GLRA1: variants seen among roughly 807,000 people sequenced by gnomAD.
GLRA1 encodes glycine receptor subunit alpha-1.
A neutral mutation model predicts 48.3 loss-of-function variants in GLRA1; 37 were observed. That is an observed-to-expected ratio of 0.77 (90% confidence interval 0.59 to 1.01). The LOEUF is 1.01. Among genes scored for constraint, GLRA1 ranks in the 50% least tolerant of loss-of-function variants. The pLI is 0.00. For synonymous variants in GLRA1, 196 were observed against 210.7 expected (o/e 0.93, Z 0.60); for missense variants, 427 against 571.0 (o/e 0.75, Z 2.57).
chr5:151,873,974 C>G (rs992576558), intron 3 of GLRA1, among the ~76,000 whole-genome samples: 1 of 152,188 alleles, frequency 6.6e-6, no homozygotes, highest in Non-Finnish European at 1.5e-5. Flanking sequence ...CCTTTCATCT[C>G]AAGATGGAAA....
intron 1 of GLRA1, among the ~76,000 whole-genome samples, chr5:151,917,981 A>G (rs1754779565): frequency 6.6e-6 from 1 of 152,192 alleles, no homozygotes; most frequent in African/African-American, 2.4e-5. Context: ...TAAGATGGTA[A>G]ACTAATTTAG....
At chr5:151,899,142 C>T (rs1754303828) in intron 1 of GLRA1, among the ~76,000 whole-genome samples, 1 of 152,112 alleles carries the variant, frequency 6.6e-6, no homozygotes, top group Non-Finnish European at 1.5e-5. Flanking sequence ...ATTAAAAATT[C>T]GATTTGACTG....
At chr5:151,889,421 A>G (rs1356544955) in intron 2 of GLRA1, among the ~76,000 whole-genome samples, 1 of 152,250 alleles carries the variant, frequency 6.6e-6, no homozygotes, top group Non-Finnish European at 1.5e-5. Context: ...GCAGAAACAG[A>G]GGCTGAGATA....
chr5:151,859,874 G>A lies in GLRA1; in HGVS notation c.387C>T (p.Ala129=), dbSNP rs758650282. 6.2e-7 allele frequency: 1 copy of A among 1,614,078 alleles called. No homozygotes were observed. Among genetic ancestry groups the A allele is most frequent in the South Asian group, 1.1e-5 (1 of 91,074 alleles). ...CATGGAAGTGGGCCCCCTTCTCGTT[G>A]GCAAAGAACAGGTCAGGTTTCCAGA... ...DSIWKPDLFF[A]NEKGAHFHEI... is the part of the protein sequence containing the mutation. Residue 129 remains alanine, a synonymous_variant, in exon 4 of 9, where the codon GCC becomes GCT. Transcript: ENST00000274576.
At chr5:151,892,952 T>G (rs921207453) in intron 1 of GLRA1, among the ~76,000 whole-genome samples, 1 of 152,188 alleles carries the variant, frequency 6.6e-6, no homozygotes, top group African/African-American at 2.4e-5. Context: ...TATCAGGCAT[T>G]TTTACCTCAA....
intron 3 of GLRA1, among the ~76,000 whole-genome samples, chr5:151,882,403 T>C (rs1753783249): frequency 6.6e-6 from 1 of 152,256 alleles, no homozygotes; most frequent in African/African-American, 2.4e-5. Flanking sequence ...GTTCACTGCC[T>C]GGTATGTAGT....
At chr5:151,824,827 C>T (rs1024216828) in intron 8 of GLRA1, among the ~76,000 whole-genome samples, 4 of 152,136 alleles carry the variant, frequency 2.6e-5, no homozygotes, top group Non-Finnish European at 5.9e-5. Flanking sequence ...CAAAGTCTGT[C>T]ATGTTCACTG....
intron 7 of GLRA1, among the ~76,000 whole-genome samples, chr5:151,837,117 A>G (rs935874812): frequency 1.3e-5 from 2 of 152,372 alleles, no homozygotes; most frequent in East Asian, 1.9e-4. Flanking sequence ...AAACAAATTT[A>G]TAAGAAAAAC....
At chr5:151,849,023 C>A in intron 7 of GLRA1, 2 of 626,358 alleles carry the variant, frequency 3.2e-6, no homozygotes, top group Non-Finnish European at 3.0e-6. Context: ...GACCCAGACT[C>A]TGGACAGTGA....
chr5:151,894,157 G>T (rs996170260), intron 1 of GLRA1, among the ~76,000 whole-genome samples: 48 of 152,260 alleles, frequency 3.2e-4, no homozygotes, highest in African/African-American at 1.0e-3. Context: ...GTGCGTGTGT[G>T]TGTGTGTGTA....
At chr5:151,839,628 G>A (rs537215421) in intron 7 of GLRA1, among the ~76,000 whole-genome samples, 1 of 152,258 alleles carries the variant, frequency 6.6e-6, no homozygotes, top group South Asian at 2.1e-4. Flanking sequence ...GGGCCTATGA[G>A]GAAGTGATTA....
chr5:151,843,153 G>T (rs1299802906), intron 7 of GLRA1, among the ~76,000 whole-genome samples: 1 of 151,594 alleles, frequency 6.6e-6, no homozygotes, highest in African/African-American at 2.4e-5. Flanking sequence ...ACATAATATT[G>T]TTAAGATGGC....
chr5:151,893,286 TTC>T (rs1223623776), intron 1 of GLRA1, among the ~76,000 whole-genome samples: 2 of 45,040 alleles, frequency 4.4e-5, no homozygotes, highest in African/African-American at 1.8e-4. Context: ...CTGCCCAACT[TTC>T]TTTCTTTCTT....
At chr5:151,871,567 T>C (rs982147819) in intron 3 of GLRA1, among the ~76,000 whole-genome samples, 1 of 148,944 alleles carries the variant, frequency 6.7e-6, no homozygotes, top group Non-Finnish European at 1.5e-5. Context: ...TTTTTTTTTT[T>C]TCTTTTTTTT....
chr5:151,893,345 T>TTTCTTTCTTTC (rs1754144909), intron 1 of GLRA1, among the ~76,000 whole-genome samples: 1 of 148,942 alleles, frequency 6.7e-6, no homozygotes, highest in African/African-American at 2.5e-5. Context: ...TCTTTCTTTC[T>TTTCTTTCTTTC]TTCTTTCTTT....
intron 7 of GLRA1, among the ~76,000 whole-genome samples, chr5:151,840,848 T>C (rs1221372395): frequency 4.6e-5 from 7 of 152,020 alleles, no homozygotes; most frequent in African/African-American, 1.4e-4. Context: ...ATTATAAACA[T>C]CTATGCATCT....
intron 1 of GLRA1, among the ~76,000 whole-genome samples, chr5:151,912,652 C>T (rs544846383): frequency 6.6e-6 from 1 of 152,132 alleles, no homozygotes; most frequent in Non-Finnish European, 1.5e-5. Context: ...TCTTTCAGGT[C>T]CTGGGCTTCT....
intron 3 of GLRA1, among the ~76,000 whole-genome samples, chr5:151,885,428 T>C (rs1461451030): frequency 6.6e-6 from 1 of 152,110 alleles, no homozygotes; most frequent in African/African-American, 2.4e-5. Flanking sequence ...AAATGTATTA[T>C]GAGAATGGAC....
chr5:151,851,299 T>C (rs1754165747), intron 7 of GLRA1, 91 bp downstream of exon 7: 4 of 842,810 alleles, frequency 4.7e-6, no homozygotes, highest in Non-Finnish European at 8.1e-6. Context: ...AGTGAATAAT[T>C]CCTTTGCTCC....
Sources: gnomAD v4.1 joint callset for allele counts (sites outside exome capture counted in the v4.1 genomes callset) on GRCh38, gnomAD v4.1.1 for gene constraint, MANE v1.5 for transcripts, NCBI Gene and HGNC (gene_info 2026-07-23, HGNC 2026-07-21) for gene names.